The following ASPH variants were observed in gnomAD, a reference collection of about 807,000 sequenced individuals.
ASPH encodes the protein aspartyl/asparaginyl beta-hydroxylase.
ASPH carries 100 observed loss-of-function variants against 118.4 expected under a neutral mutation model. The ratio of observed to expected loss-of-function variants is 0.84; its 90% CI spans 0.72 to 1.00. The LOEUF is 1.00. Among genes scored for constraint, ASPH ranks in the 50% least tolerant of loss-of-function variants. ASPH has a pLI of 0.00. For missense variants in ASPH, 920 were observed against 919.5 expected (o/e 1.00, Z -0.01); for synonymous variants, 315 against 325.6 (o/e 0.97, Z 0.35).
intron 15 of ASPH, chr8:61,579,319 T>C: frequency 1.9e-6 from 3 of 1,614,154 alleles, no homozygotes; most frequent in Non-Finnish European, 1.7e-6. Context: ...AAGCAGGACA[T>C]GGCACGGCAG....
chr8:61,505,640 A>G (rs935006837), intron 24 of ASPH, among the ~76,000 whole-genome samples: 1 of 152,120 alleles, frequency 6.6e-6, no homozygotes, highest in Admixed American at 6.5e-5. Context: ...AAAACGGACT[A>G]ATACACCTTG....
chr8:61,559,479 T>C (rs965773225), intron 18 of ASPH, among the ~76,000 whole-genome samples: 1 of 152,052 alleles, frequency 6.6e-6, no homozygotes, highest in Non-Finnish European at 1.5e-5. Flanking sequence ...AACACACACA[T>C]CCATACACAA....
chr8:61,675,129 G>A (rs1368133110), intron 3 of ASPH: 4 of 244,328 alleles, frequency 1.6e-5, no homozygotes, highest in Non-Finnish European at 2.0e-5. Context: ...GCTTTCTAAT[G>A]GGAAAAGTTT....
intron 21 of ASPH, among the ~76,000 whole-genome samples, chr8:61,543,877 T>C (rs777982403): frequency 1.3e-5 from 2 of 152,230 alleles, no homozygotes; most frequent in Non-Finnish European, 2.9e-5. Context: ...TACCTGTAGT[T>C]GCTCTGGGCA....
intron 13 of ASPH, among the ~76,000 whole-genome samples, chr8:61,628,040 G>A (rs1216490018): frequency 1.3e-5 from 2 of 151,984 alleles, no homozygotes; most frequent in East Asian, 1.9e-4. Context: ...CTTAGCCTAC[G>A]GTAGCTGCTT....
intron 3 of ASPH, among the ~76,000 whole-genome samples, chr8:61,678,889 T>C (rs545901069): frequency 1.3e-5 from 2 of 152,198 alleles, no homozygotes; most frequent in South Asian, 4.1e-4. Context: ...CTCACTGTAG[T>C]GCTCCCCCCA....
At chr8:61,613,791 C>T (rs186667372) in intron 14 of ASPH, among the ~76,000 whole-genome samples, 1 of 152,164 alleles carries the variant, frequency 6.6e-6, no homozygotes, top group Non-Finnish European at 1.5e-5. Flanking sequence ...ATGTGCTGCA[C>T]TAAGAAGTTT....
chr8:61,533,037 C>T (rs1014536837), intron 21 of ASPH, among the ~76,000 whole-genome samples: 1 of 152,010 alleles, frequency 6.6e-6, no homozygotes, highest in Non-Finnish European at 1.5e-5. Context: ...CACCCTTCAA[C>T]CTGAAAACTC....
At chr8:61,559,466 TAA>T (rs1341368434) in intron 18 of ASPH, among the ~76,000 whole-genome samples, 1 of 152,010 alleles carries the variant, frequency 6.6e-6, no homozygotes, top group Non-Finnish European at 1.5e-5. Flanking sequence ...TCTCTCTCTA[TAA>T]AACACACACA....
chr8:61,676,672 AG>A (rs1342704740), intron 3 of ASPH, among the ~76,000 whole-genome samples: 8 of 152,174 alleles, frequency 5.3e-5, no homozygotes, highest in Non-Finnish European at 1.0e-4. Flanking sequence ...GAGTAAAAGC[AG>A]TATCAGGGAA....
At chr8:61,693,718 A>G (rs951294875) in intron 1 of ASPH, among the ~76,000 whole-genome samples, 1 of 152,104 alleles carries the variant, frequency 6.6e-6, no homozygotes, top group African/African-American at 2.4e-5. Context: ...TGTTTCCTCA[A>G]CATTTTCTTC....
intron 14 of ASPH, among the ~76,000 whole-genome samples, chr8:61,599,584 G>A (rs1181879085): frequency 6.6e-6 from 1 of 151,194 alleles, no homozygotes; most frequent in Admixed American, 6.6e-5. Context: ...AAATAAAAAT[G>A]AGACATTTTA....
intron 17 of ASPH, among the ~76,000 whole-genome samples, chr8:61,566,324 A>T (rs1484146717): frequency 6.6e-6 from 1 of 152,220 alleles, no homozygotes; most frequent in Non-Finnish European, 1.5e-5. Context: ...TTAGAAGTGG[A>T]TCCTAAAGAT....
At chr8:61,617,924 C>T (rs561423799) in intron 14 of ASPH, among the ~76,000 whole-genome samples, 21 of 117,676 alleles carry the variant, frequency 1.8e-4, no homozygotes, top group African/African-American at 6.3e-4. Flanking sequence ...CATAGTGAGA[C>T]GCCATCTCAA....
intron 1 of ASPH, among the ~76,000 whole-genome samples, chr8:61,698,670 C>T (rs1190828301): frequency 6.6e-6 from 1 of 152,116 alleles, no homozygotes; most frequent in Non-Finnish European, 1.5e-5. Context: ...TTTGTCTTTC[C>T]TGTGACCGGC....
chr8:61,603,960 G>A (rs2133590120), intron 14 of ASPH, among the ~76,000 whole-genome samples: 2 of 152,320 alleles, frequency 1.3e-5, no homozygotes, highest in South Asian at 4.1e-4. Flanking sequence ...AAATGGGAAA[G>A]TATGTACATA....
chr8:61,536,052 T>TC (rs931816983), intron 21 of ASPH, among the ~76,000 whole-genome samples: 3 of 151,350 alleles, frequency 2.0e-5, no homozygotes, highest in Non-Finnish European at 2.9e-5. Flanking sequence ...TTTTTTTTTT[T>TC]TTTTGAGACA....
At position 61,714,341 on chromosome 8, in the gene ASPH, C is replaced by T; in HGVS notation, c.31G>A (p.Gly11Ser). The T allele has an allele frequency of 2.0e-6, 3 of 1,518,164 alleles. No homozygotes were observed. Among genetic ancestry groups the T allele is most frequent in the East Asian group, 2.8e-5 (1 of 36,320 alleles). 94.0% of individuals were successfully genotyped at this position (1,518,164 alleles called of 1,614,324 possible). Reference sequence around the variant, plus strand: ...CCGGAGCCGCTGCTGCTGCTGTTGCCGCTGCTCTTGGCATTCTTACGCTGG... The same window carrying T: ...CCGGAGCCGCTGCTGCTGCTGTTGCTGCTGCTCTTGGCATTCTTACGCTGG... MAQRKNAKSS[G>S]NSSSSGSGSG... Residue 11 changes from glycine to serine, a missense_variant, in exon 1 of 25, where the codon GGC becomes AGC. Transcript: ENST00000379454.
chr8:61,617,448 C>G (rs549668109), intron 14 of ASPH, among the ~76,000 whole-genome samples: 1 of 152,262 alleles, frequency 6.6e-6, no homozygotes, highest in Admixed American at 6.5e-5. Context: ...GTATCGCTAT[C>G]TTATTTATAG....
Sources: gnomAD v4.1 joint callset for allele counts (sites outside exome capture counted in the v4.1 genomes callset) on GRCh38, gnomAD v4.1.1 for gene constraint, MANE v1.5 for transcripts, NCBI Gene and HGNC (gene_info 2026-07-23, HGNC 2026-07-21) for gene names.